DCAF6: variants seen among roughly 807,000 people sequenced by gnomAD.
DCAF6 encodes the protein DDB1 and CUL4 associated factor 6, also known as DDB1- and CUL4-associated factor 6.
DCAF6 carries 54 observed loss-of-function variants against 125.1 expected under a neutral mutation model. The ratio of observed to expected loss-of-function variants is 0.43; its 90% CI spans 0.35 to 0.54. The LOEUF is 0.54. Ranked by LOEUF, DCAF6 falls within the 20% of genes least tolerant of loss-of-function variation. The pLI, the probability that DCAF6 is intolerant of heterozygous loss-of-function variation, is 0.01. For missense variants in DCAF6, 934 were observed against 1,161.7 expected (o/e 0.80, Z 2.85); for synonymous variants, 371 against 390.4 (o/e 0.95, Z 0.58).
At chr1:167,943,198 C>T (rs547925522) in intron 1 of DCAF6, among the ~76,000 whole-genome samples, 23 of 152,246 alleles carry the variant, frequency 1.5e-4, no homozygotes, top group Middle Eastern at 6.8e-3. Context: ...CGTGAGCCAC[C>T]GCGCCTGGCC....
At chr1:167,901,642 A>T in the DCAF6 span, 1 of 1,613,350 alleles carries the variant, frequency 6.2e-7, no homozygotes, top group Non-Finnish European at 8.5e-7. Context: ...CGTAGGATTT[A>T]TTCCTTCTCA....
chr1:167,870,274 G>A, the DCAF6 span: 8 of 1,613,736 alleles, frequency 5.0e-6, no homozygotes, highest in South Asian at 6.6e-5. Context: ...TCTTACCTTG[G>A]GCCAGGTACT....
At chr1:167,950,183 A>C (rs942830990) in intron 1 of DCAF6, among the ~76,000 whole-genome samples, 1 of 151,392 alleles carries the variant, frequency 6.6e-6, no homozygotes. Context: ...CAAAGTTTCC[A>C]ATACTTTAAT....
Position 168,075,612 on chromosome 1 carries a change from G to T in DCAF6, c.*177G>T, listed in dbSNP as rs925685598. 1 of 535,836 alleles carries T rather than the reference G, an allele frequency of 1.9e-6. No homozygotes were observed. Among genetic ancestry groups the T allele is most frequent in the Admixed American group, 3.9e-5 (1 of 25,610 alleles). 33.2% of individuals were successfully genotyped at this position (535,836 alleles called of 1,614,324 possible). On this transcript the variant is annotated 3_prime_UTR_variant, in exon 22 of 22. Coordinates refer to ENST00000367840, the MANE Select transcript of DCAF6 (RefSeq NM_001198956.2). ...ATTGTGTGCATGAATTTGGGAGATT[G>T]TATAAAACAAAACTAGCAGAATGTT...
Position 168,015,835 on chromosome 1 carries a change from G to A in DCAF6, c.1433G>A (p.Arg478Lys). ...CTTCGTAAGCGCCTGCAACAACTGAGGCTTAAGAAGGCTGAGCAGCAGAGG... is the reference window on the plus strand; with the variant it reads ...CTTCGTAAGCGCCTGCAACAACTGAAGCTTAAGAAGGCTGAGCAGCAGAGG... ...ALLRKRLQQL[R>K]LKKAEQQRQQ... The change falls in exon 11 of 22, where the codon AGG becomes AAG. Residue 478 changes from arginine (R) to lysine (K), a missense_variant. Arg to Lys is a conservative substitution (Grantham distance 26). This residue lies in a region of DCAF6 where 559 missense variants were observed against 635.5 expected (regional missense o/e 0.88). Transcript: ENST00000367840. The A allele has an allele frequency of 6.5e-7, 1 of 1,537,856 alleles. No individual in the cohort carries two copies. The highest frequency in any genetic ancestry group is 1.2e-5 in the South Asian group (1 of 82,186).
chr1:167,880,172 C>A, the DCAF6 span: 1 of 1,613,418 alleles, frequency 6.2e-7, no homozygotes, highest in Non-Finnish European at 8.5e-7. Context: ...ATCCCACTGG[C>A]AACACCGATG....
chr1:167,920,042 C>T, the DCAF6 span: 3 of 1,613,338 alleles, frequency 1.9e-6, no homozygotes, highest in Non-Finnish European at 1.7e-6. Flanking sequence ...AGCAAACAGA[C>T]TCCAATTTTT....
the DCAF6 span, chr1:167,918,196 AG>A: frequency 1.5e-6 from 1 of 658,156 alleles, no homozygotes; most frequent in African/African-American, 1.8e-5. Context: ...TATTGAATCA[AG>A]AACTAGCTAC....
the DCAF6 span, chr1:167,878,657 CAAAGAT>C: frequency 2.5e-6 from 4 of 1,609,764 alleles, no homozygotes; most frequent in Non-Finnish European, 1.7e-6. Context: ...AAGAGAAAGT[CAAAGAT>C]CAGGGAAATA....
At chr1:167,885,324 T>TG in the DCAF6 span, among the ~76,000 whole-genome samples, 2 of 152,198 alleles carry the variant, frequency 1.3e-5, no homozygotes, top group African/African-American at 4.8e-5. Context: ...ATTTCTAGAT[T>TG]GTATGGTAGC....
upstream of DCAF6, chr1:167,935,836 C>T: frequency 1.3e-6 from 2 of 1,550,554 alleles, no homozygotes; most frequent in Non-Finnish European, 1.7e-6. Context: ...CACCGGCGGC[C>T]GACATCGCCG....
At chr1:167,904,055 AC>A in the DCAF6 span, 1 of 1,024,566 alleles carries the variant, frequency 9.8e-7, no homozygotes, top group Non-Finnish European at 1.5e-6. Flanking sequence ...CCAGAAGAGG[AC>A]TACCCTGGAA....
At chr1:167,982,759 C>T (rs74477863) in intron 4 of DCAF6, among the ~76,000 whole-genome samples, 3,048 of 152,146 alleles carry the variant, frequency 0.02, 56 homozygotes, top group Middle Eastern at 0.048. Context: ...AATGGCGTTT[C>T]CTATATTTTC....
the DCAF6 span, among the ~76,000 whole-genome samples, chr1:167,875,888 G>C: frequency 6.6e-6 from 1 of 152,074 alleles, no homozygotes; most frequent in Non-Finnish European, 1.5e-5. Context: ...GGGAGGGGGA[G>C]CTTGCAGTGA....
intron 10 of DCAF6, among the ~76,000 whole-genome samples, chr1:168,010,030 A>C (rs942648317): frequency 2.0e-5 from 3 of 152,138 alleles, no homozygotes; most frequent in Admixed American, 6.5e-5. Flanking sequence ...TTTAGTCTTT[A>C]GATTATACTT....
upstream of DCAF6, among the ~76,000 whole-genome samples, chr1:167,932,823 AAAAAG>A (rs1268260359): frequency 2.2e-4 from 33 of 150,764 alleles, no homozygotes; most frequent in South Asian, 4.2e-4. Context: ...AAAAAAAAAA[AAAAAG>A]AAAAGAAAAG....
chr1:167,906,365 T>TA, the DCAF6 span, among the ~76,000 whole-genome samples: 424 of 142,434 alleles, frequency 3.0e-3, 1 homozygote, highest in Middle Eastern at 7.0e-3. Context: ...AACTAAGGTT[T>TA]AAAAAAAAAA....
chr1:167,904,082 C>CT, the DCAF6 span: 23,270 of 353,018 alleles, frequency 0.066, 37 homozygotes, highest in South Asian at 0.094. Context: ...CGGGCCTCAG[C>CT]TTTTTTTTTT....
intron 17 of DCAF6, among the ~76,000 whole-genome samples, chr1:168,062,386 G>T (rs574545991): frequency 3.3e-5 from 5 of 152,022 alleles, no homozygotes; most frequent in Non-Finnish European, 2.9e-5. Flanking sequence ...CAACTTTCCC[G>T]TATATGTGTT....
Sources: gnomAD v4.1 joint callset for allele counts (sites outside exome capture counted in the v4.1 genomes callset) on GRCh38, gnomAD v4.1.1 for gene constraint, gnomAD v4.1.1 regional missense constraint, MANE v1.5 for transcripts, NCBI Gene and HGNC (gene_info 2026-07-23, HGNC 2026-07-21) for gene names.